NRG3: variants seen among roughly 807,000 people sequenced by gnomAD.
NRG3 encodes the protein neuregulin 3, also known as pro-neuregulin-3, membrane-bound isoform.
NRG3 carries 31 observed loss-of-function variants against 66.9 expected under a neutral mutation model. The ratio of observed to expected loss-of-function variants is 0.46; its 90% CI spans 0.35 to 0.63. NRG3 has a LOEUF of 0.63. NRG3 is among the 20% of genes least tolerant of loss of function. The probability of loss-of-function intolerance (pLI) is 0.00; values close to 1 mark genes in which losing one functional copy is unlikely to be tolerated. For synonymous variants in NRG3, 393 were observed against 359.4 expected (o/e 1.09, Z -1.06); for missense variants, 910 against 878.9 (o/e 1.04, Z -0.45).
In NRG3 at chr10:82,938,107, C is replaced by CTGAT. The variant is rs566114324; in HGVS notation, c.1055-13351_1055-13348dup. Among the ~76,000 whole-genome samples the CTGAT allele has an allele frequency of 5.7e-4, 86 of 152,202 alleles. 1 individual carries two copies. The East Asian group carries it at 0.014, about 26-fold the overall frequency. ...TAAAGCGAATTTCTCCCTTGATTGA[C>CTGAT]TGATTGATTGATTGGATTGCTTCTA... is the stretch of plus-strand genomic sequence containing the variant. On this transcript the variant is annotated intron_variant, in intron 4 of 8. Coordinates refer to ENST00000372141, the MANE Select transcript of NRG3 (RefSeq NM_001010848.4).
chr10:82,052,843 G>A (rs1036100679), intron 1 of NRG3, among the ~76,000 whole-genome samples: 5 of 151,870 alleles, frequency 3.3e-5, no homozygotes, highest in Non-Finnish European at 2.9e-5. Flanking sequence ...ATGGACATAA[G>A]GAAAAAAAGT....
chr10:82,747,762 G>A (rs1469496805), intron 3 of NRG3, among the ~76,000 whole-genome samples: 1 of 151,728 alleles, frequency 6.6e-6, no homozygotes, highest in African/African-American at 2.4e-5. Context: ...ATTGCTCTTT[G>A]ATTTATTATT....
At chr10:82,320,857 A>G (rs560321934) in intron 1 of NRG3, among the ~76,000 whole-genome samples, 3 of 152,256 alleles carry the variant, frequency 2.0e-5, no homozygotes, top group African/African-American at 4.8e-5. Flanking sequence ...CTGGCTTACC[A>G]TATCTGCTAT....
At chr10:82,452,837 C>A (rs2091080809) in intron 2 of NRG3, among the ~76,000 whole-genome samples, 1 of 152,148 alleles carries the variant, frequency 6.6e-6, no homozygotes, top group Non-Finnish European at 1.5e-5. Context: ...ATCCATTGAG[C>A]ACATGGCAAG....
At chr10:82,890,146 A>G (rs1420311140) in intron 4 of NRG3, among the ~76,000 whole-genome samples, 2 of 132,534 alleles carry the variant, frequency 1.5e-5, no homozygotes, top group Non-Finnish European at 3.2e-5. Flanking sequence ...TTTTTTTTTT[A>G]AGTAATGTAA....
intron 3 of NRG3, among the ~76,000 whole-genome samples, chr10:82,823,965 C>G (rs985833263): frequency 6.6e-6 from 1 of 152,118 alleles, no homozygotes; most frequent in Non-Finnish European, 1.5e-5. Context: ...CACCTGCCTG[C>G]CAATAAAACC....
chr10:82,688,878 T>C (rs2054710392), intron 2 of NRG3, among the ~76,000 whole-genome samples: 2 of 152,150 alleles, frequency 1.3e-5, no homozygotes, highest in Admixed American at 1.3e-4. Flanking sequence ...TCCTGATAGA[T>C]TTTTAAGTTG....
intron 3 of NRG3, 123 bp downstream of exon 3, chr10:82,738,773 G>C: frequency 1.2e-6 from 1 of 805,928 alleles, no homozygotes; most frequent in Non-Finnish European, 2.1e-6. Flanking sequence ...GCCAAGGACA[G>C]AAGCTGATGG....
In NRG3 at chr10:82,683,191, G is replaced by A. The variant is rs531859198; in HGVS notation, c.954-55386G>A. Among the ~76,000 whole-genome samples, 533 of 151,956 alleles carry A rather than the reference G, an allele frequency of 3.5e-3. 3 individuals carry two copies. Among genetic ancestry groups the A allele is most frequent in the African/African-American group, 0.011 (457 of 41,452 alleles). ...GCCAGGATGGTCTCGATCTGACCTC[G>A]TGATCCACCCGCCTCGGCCTCCCAA... On this transcript the variant is annotated intron_variant, in intron 2 of 8. Transcript: ENST00000372141.
chr10:82,824,664 AT>A (rs539164443), intron 3 of NRG3, among the ~76,000 whole-genome samples: 19 of 146,632 alleles, frequency 1.3e-4, no homozygotes, highest in African/African-American at 3.5e-4. Context: ...CTGTTTGTAT[AT>A]TTTTTTTGAG....
intron 1 of NRG3, among the ~76,000 whole-genome samples, chr10:81,935,535 G>A (rs1009847509): frequency 2.6e-5 from 4 of 152,098 alleles, no homozygotes; most frequent in African/African-American, 9.7e-5. Flanking sequence ...AGTGGCTAAA[G>A]TAGCCCATTT....
intron 1 of NRG3, among the ~76,000 whole-genome samples, chr10:81,892,285 T>C (rs544273963): frequency 1.2e-4 from 19 of 152,036 alleles, no homozygotes; most frequent in African/African-American, 4.3e-4. Context: ...TGTAGGGGTA[T>C]ATATATATAC....
intron 1 of NRG3, among the ~76,000 whole-genome samples, chr10:82,233,639 G>A (rs2076609984): frequency 6.6e-6 from 1 of 151,972 alleles, no homozygotes; most frequent in African/African-American, 2.4e-5. Context: ...TTTGCCCCAT[G>A]AATTTTCAGA....
intron 3 of NRG3, among the ~76,000 whole-genome samples, chr10:82,798,878 C>A (rs1201072955): frequency 1.3e-5 from 2 of 152,048 alleles, no homozygotes; most frequent in Non-Finnish European, 1.5e-5. Context: ...TTATCTCGGA[C>A]CCCTTGGGAT....
At chr10:82,353,248 G>A (rs1334420200) in intron 1 of NRG3, among the ~76,000 whole-genome samples, 2 of 152,188 alleles carry the variant, frequency 1.3e-5, no homozygotes, top group African/African-American at 4.8e-5. Flanking sequence ...GATAAGCACA[G>A]TGTGCTGCAT....
intron 3 of NRG3, among the ~76,000 whole-genome samples, chr10:82,824,510 T>G (rs898491378): frequency 2.6e-5 from 4 of 152,180 alleles, no homozygotes; most frequent in Non-Finnish European, 5.9e-5. Context: ...GCTTCGACTT[T>G]TCTGTGTCCT....
At chr10:82,903,800 G>GT (rs1844462301) in intron 4 of NRG3, among the ~76,000 whole-genome samples, 1 of 152,074 alleles carries the variant, frequency 6.6e-6, no homozygotes, top group Admixed American at 6.6e-5. Flanking sequence ...TTTGATGGGA[G>GT]TTAAAAGTTA....
At chr10:82,121,932 C>T (rs2068119458) in intron 1 of NRG3, among the ~76,000 whole-genome samples, 1 of 152,172 alleles carries the variant, frequency 6.6e-6, no homozygotes, top group Non-Finnish European at 1.5e-5. Context: ...GCCATCATGG[C>T]TGTCCTGTGC....
intron 2 of NRG3, among the ~76,000 whole-genome samples, chr10:82,566,461 G>T (rs989444648): frequency 6.6e-6 from 1 of 151,906 alleles, no homozygotes; most frequent in Non-Finnish European, 1.5e-5. Context: ...ATTTTGAAAA[G>T]TTCTGTGGGT....
Sources: allele counts gnomAD v4.1 joint callset (sites outside exome capture counted in the v4.1 genomes callset), GRCh38; gene constraint gnomAD v4.1.1; transcripts MANE v1.5; gene names NCBI Gene and HGNC (gene_info 2026-07-23, HGNC 2026-07-21).